The following SYNPO2 variants were observed in gnomAD, a reference collection of about 807,000 sequenced individuals.
SYNPO2 encodes the protein synaptopodin 2, also known as synaptopodin-2.
Under a neutral mutation model 85.0 loss-of-function variants are expected in SYNPO2, and 56 were observed. The ratio of observed to expected loss-of-function variants is 0.66; its 90% CI spans 0.53 to 0.82. SYNPO2 has a LOEUF of 0.82. SYNPO2 is among the 40% of genes least tolerant of loss of function. The pLI, the probability that SYNPO2 is intolerant of heterozygous loss-of-function variation, is 0.00. For missense variants in SYNPO2, 1,575 were observed against 1,534.2 expected, an observed-to-expected ratio of 1.03 and a Z score of -0.44; for synonymous variants, 602 against 591.1, an observed-to-expected ratio of 1.02 and a Z score of -0.27.
intron 1 of SYNPO2, among the ~76,000 whole-genome samples, chr4:118,906,217 T>G (rs1008085928): frequency 6.6e-6 from 1 of 152,082 alleles, no homozygotes; most frequent in African/African-American, 2.4e-5. Context: ...TTGCTTTTTT[T>G]TAAAAAAATA....
intron 1 of SYNPO2, among the ~76,000 whole-genome samples, chr4:118,958,505 CTGTG>C (rs1560910239): frequency 6.6e-6 from 1 of 152,030 alleles, no homozygotes; most frequent in East Asian, 1.9e-4. Context: ...TCTTAAGTTA[CTGTG>C]TTTACCCGTT....
intron 3 of SYNPO2, 47 bp from the exon 4 acceptor site, chr4:119,029,798 T>C: frequency 6.6e-7 from 1 of 1,507,320 alleles, no homozygotes; most frequent in East Asian, 2.3e-5. Flanking sequence ...GGTGTCTTCC[T>C]TGAACTCATC....
At position 119,027,025 on chromosome 4, in the gene SYNPO2, C is replaced by A. The variant is rs1304880495; in HGVS notation, c.656C>A (p.Pro219Gln). Residue 219 changes from proline (P) to glutamine (Q), a missense_variant, in exon 3 of 5, where the codon CCG becomes CAG. Physicochemically the swap from Pro to Gln is moderately conservative, Grantham distance 76 (BLOSUM62 -1). Coordinates refer to ENST00000307142, the MANE Select transcript of SYNPO2 (RefSeq NM_133477.3). ...GCTAGTGGCCCTTTAGTGGCTCTCC[C>A]GGGAGCTGAAAAATCTAAGTCTCCT... Reference protein sequence around the residue: ...KGASGPLVALPGAEKSKSPDP... With the variant: ...KGASGPLVALQGAEKSKSPDP... 1.2e-6 allele frequency: 2 copies of A among 1,614,072 alleles called. No homozygotes were observed. The highest frequency in any genetic ancestry group is 1.1e-5 in the South Asian group (1 of 91,070).
chr4:118,970,395 A>G lies in SYNPO2; in HGVS notation c.106-53035A>G, dbSNP rs74571303. Among the ~76,000 whole-genome samples, 788 of 152,338 alleles carry G rather than the reference A, an allele frequency of 5.2e-3. 6 individuals carry two copies. Among genetic ancestry groups the G allele is most frequent in the African/African-American group, 0.018 (748 of 41,578 alleles). ...AGAAGTTTGATTGTTTCTGATCAAG[A>G]TCTATGACACAGTCACTAGTGAATA... On this transcript the variant is annotated intron_variant, in intron 1 of 4. Coordinates refer to ENST00000307142, the MANE Select transcript of SYNPO2 (RefSeq NM_133477.3).
At chr4:118,885,992 T>G (rs1343446179), upstream of SYNPO2, among the ~76,000 whole-genome samples, 2 of 152,198 alleles carry the variant, frequency 1.3e-5, no homozygotes, top group African/African-American at 4.8e-5. Flanking sequence ...CTAGCATGGT[T>G]GCTTTGAAAA....
At chr4:118,958,175 T>C (rs1203631659) in intron 1 of SYNPO2, among the ~76,000 whole-genome samples, 1 of 151,024 alleles carries the variant, frequency 6.6e-6, no homozygotes, top group Non-Finnish European at 1.5e-5. Flanking sequence ...GTTTTCATCC[T>C]TCTCACATCT....
intron 1 of SYNPO2, among the ~76,000 whole-genome samples, chr4:118,984,287 T>C (rs1306710249): frequency 6.6e-6 from 1 of 152,232 alleles, no homozygotes; most frequent in African/African-American, 2.4e-5. Context: ...TACCATCTTG[T>C]TCCTTTAAAA....
At chr4:118,954,995 AT>A (rs143188478) in intron 1 of SYNPO2, among the ~76,000 whole-genome samples, 7,691 of 130,882 alleles carry the variant, frequency 0.059, 307 homozygotes, top group East Asian at 0.14. Flanking sequence ...ATTCTGTGCA[AT>A]TTTTTTTTTT....
intron 1 of SYNPO2, among the ~76,000 whole-genome samples, chr4:118,917,121 G>A (rs1560861266): frequency 6.6e-6 from 1 of 152,220 alleles, no homozygotes; most frequent in Non-Finnish European, 1.5e-5. Flanking sequence ...GCCAGGCACA[G>A]TGGCTCACAC....
chr4:118,873,091 A>G (rs1731832490), intron 1 of SYNPO2, among the ~76,000 whole-genome samples: 1 of 152,076 alleles, frequency 6.6e-6, no homozygotes, highest in Non-Finnish European at 1.5e-5. Flanking sequence ...AGTCATTCCA[A>G]TCATCCATAA....
rs770801902 is a variant in SYNPO2 at position 119,057,975 on chromosome 4, A to T, written c.*41A>T. ...ATCATGTGCCAACTGTAGTTTTTTA[A>T]AAAAAACGCTCCTTTGTAGGGTTTT... On this transcript the variant is annotated 3_prime_UTR_variant, in exon 5 of 5. Transcript: ENST00000307142. 24 of 1,505,112 alleles carry T rather than the reference A, an allele frequency of 1.6e-5. No individual in the cohort carries two copies. In the African/African-American group the frequency reaches 4.5e-4, roughly 28 times the overall value. The allele number at this position is 1,505,112 out of a possible 1,614,324, so 93.2% of individuals were successfully genotyped here. A position where few individuals can be genotyped will look rare whatever the true frequency, so the allele number is the denominator to read the frequency against.
intron 1 of SYNPO2, among the ~76,000 whole-genome samples, chr4:118,960,785 A>C (rs1256526105): frequency 2.6e-5 from 4 of 152,146 alleles, no homozygotes. Flanking sequence ...CAAGTACTCC[A>C]TGGCTCCAGG....
chr4:118,943,359 GA>G (rs1734386127), intron 1 of SYNPO2, among the ~76,000 whole-genome samples: 2 of 152,330 alleles, frequency 1.3e-5, no homozygotes, highest in African/African-American at 4.8e-5. Flanking sequence ...TAATTAGGTA[GA>G]TTGAGACATG....
chr4:118,883,196 A>G (rs1042197168), intron 1 of SYNPO2, among the ~76,000 whole-genome samples: 16 of 151,968 alleles, frequency 1.1e-4, no homozygotes, highest in Non-Finnish European at 1.0e-4. Context: ...AATTTCACAT[A>G]ATTTTATAAT....
chr4:118,896,626 T>TA lies in SYNPO2; in HGVS notation c.105+7488dup, dbSNP rs762627739. Among the ~76,000 whole-genome samples, 6 of 152,326 alleles carry TA rather than the reference T, an allele frequency of 3.9e-5. No individual in the cohort carries two copies. In the East Asian group the frequency reaches 1.2e-3, roughly 29 times the overall value. On this transcript the variant is annotated intron_variant, in intron 1 of 4. Transcript: ENST00000307142. ...GATTACTTTAGGCACCTAGTGTTTC[T>TA]AAATCGTCTATCATTCTTTTCTGTT...
intron 1 of SYNPO2, among the ~76,000 whole-genome samples, chr4:118,923,017 G>T (rs1020236431): frequency 1.3e-5 from 2 of 152,012 alleles, no homozygotes; most frequent in African/African-American, 4.8e-5. Context: ...GAATTCCATG[G>T]ATATCTATTA....
upstream of SYNPO2, among the ~76,000 whole-genome samples, chr4:118,884,849 C>G (rs113316254): frequency 1.3e-3 from 194 of 152,256 alleles, no homozygotes; most frequent in African/African-American, 4.4e-3. Context: ...AGCAATGACT[C>G]CTAGTCTCAC....
At chr4:118,990,293 C>T (rs1227133659) in intron 1 of SYNPO2, among the ~76,000 whole-genome samples, 2 of 152,162 alleles carry the variant, frequency 1.3e-5, no homozygotes, top group African/African-American at 2.4e-5. Flanking sequence ...CACAAAGAAA[C>T]GTGCAGTGCT....
At chr4:118,857,753 A>G (rs1323661980) in intron 1 of SYNPO2, among the ~76,000 whole-genome samples, 1 of 152,240 alleles carries the variant, frequency 6.6e-6, no homozygotes, top group East Asian at 1.9e-4. Flanking sequence ...AGGGTCATGT[A>G]GATTTTTCTA....
Sources: allele counts gnomAD v4.1 joint callset (sites outside exome capture counted in the v4.1 genomes callset), GRCh38; gene constraint gnomAD v4.1.1; transcripts MANE v1.5; gene names NCBI Gene and HGNC (gene_info 2026-07-23, HGNC 2026-07-21).